Variants in ZBTB8A observed in about 807,000 individuals in gnomAD.
ZBTB8A encodes the protein zinc finger and BTB domain containing 8A.
In ZBTB8A, 19 loss-of-function variants were observed where a neutral mutation model predicts 37.8. That is an observed-to-expected ratio of 0.50 (90% CI 0.35 to 0.74). The LOEUF (loss-of-function observed/expected upper bound fraction) is 0.74. Ranked by LOEUF, ZBTB8A falls within the 30% of genes least tolerant of loss-of-function variation. The probability of loss-of-function intolerance (pLI) is 0.01; values close to 1 mark genes in which losing one functional copy is unlikely to be tolerated. For synonymous variants in ZBTB8A, 181 were observed against 185.2 expected (o/e 0.98, Z 0.19); for missense variants, 394 against 537.8 (o/e 0.73, Z 2.65).
At chr1:32,583,375 T>A (rs1400964651) in intron 2 of ZBTB8A, among the ~76,000 whole-genome samples, 2 of 139,120 alleles carry the variant, frequency 1.4e-5, no homozygotes, top group Non-Finnish European at 3.1e-5. Flanking sequence ...AGTGAGACCC[T>A]GTCTCAAAAA....
At position 32,593,078 on chromosome 1, in the gene ZBTB8A, TA is replaced by T; in HGVS notation, c.151del (p.Met51CysfsTer46). 1 of 1,614,180 alleles carries T rather than the reference TA, an allele frequency of 6.2e-7. No homozygotes were observed. The highest frequency in any genetic ancestry group is 8.5e-7 in the Non-Finnish European group (1 of 1,180,044). On this transcript the variant is annotated frameshift_variant, in exon 3 of 5. Coordinates refer to ENST00000373510, the MANE Select transcript of ZBTB8A (RefSeq NM_001040441.3). LOFTEE classifies it high-confidence loss of function. The part of the protein sequence containing the change: ...NVLFASSGYF[K>X]MLLSQNSKET... ...TATTATTCGCTAGTAGCGGCTACTT[TA>T]AAATGCTTCTTTCTCAGAATTCAAA...
At position 32,600,298 on chromosome 1, in the gene ZBTB8A, G is replaced by T. The variant is rs772285453; in HGVS notation, c.1205G>T (p.Ser402Ile). ...GATAAGGATTCCAGATGGCACTTGA[G>T]TGAAGATGAGAATAGATCCTATGTG... ...DGDKDSRWHLSEDENRSYVEI... is the reference protein window; with the variant it reads ...DGDKDSRWHLIEDENRSYVEI... Residue 402 changes from serine (S) to isoleucine (I), a missense_variant, in exon 5 of 5, where the codon AGT becomes ATT. Ser to Ile is a moderately radical substitution (Grantham distance 142, BLOSUM62 -2). Around this residue, in one of 4 missense-constraint regions of ZBTB8A, gnomAD observed 85 missense variants for 89.0 expected, o/e 0.95. Coordinates refer to ENST00000373510, the MANE Select transcript of ZBTB8A (RefSeq NM_001040441.3). The T allele has an allele frequency of 6.2e-7, 1 of 1,614,190 alleles. No individual in the cohort carries two copies. The highest frequency in any genetic ancestry group is 1.7e-5 in the Admixed American group (1 of 60,012).
At chr1:32,581,932 G>A (rs574131335) in intron 2 of ZBTB8A, among the ~76,000 whole-genome samples, 32 of 152,140 alleles carry the variant, frequency 2.1e-4, no homozygotes, top group Admixed American at 1.4e-3. Flanking sequence ...TAGCATGGGC[G>A]GAGCTGCTCC....
rs1386508131 is a variant in ZBTB8A, at chr1:32,605,720, A to C, written c.*5301A>C. On this transcript the variant is annotated 3_prime_UTR_variant, in exon 5 of 5. Coordinates refer to ENST00000373510, the MANE Select transcript of ZBTB8A (RefSeq NM_001040441.3). ...ACTCCACCTCAAAAAAAAAAAAAAA[A>C]AAAAAAAAAAGAACCTAAGACAACC... is the stretch of plus-strand genomic sequence containing the variant. 1.3e-5 allele frequency: 2 copies of C among 149,358 alleles called. No homozygotes were observed. The highest frequency in any genetic ancestry group is 4.2e-4 in the South Asian group (2 of 4,738). 9.3% of individuals were successfully genotyped at this position (149,358 alleles called of 1,614,324 possible).
rs1270625311 is a variant in ZBTB8A, at chr1:32,539,485, G to T, written c.-171G>T. 1.3e-5 allele frequency: 2 copies of T among 152,324 alleles called. No individual in the cohort carries two copies. Among genetic ancestry groups the T allele is most frequent in the Admixed American group, 1.3e-4 (2 of 15,260 alleles). The allele number at this position is 152,324 out of a possible 1,614,324, so 9.4% of individuals were successfully genotyped here. ...TACTTGTTTTAGGGCGCAAAGGAAC[G>T]GCCTCGAAAGGGGGTCCTTCCCCAG... On this transcript the variant is annotated 5_prime_UTR_variant, in exon 1 of 5. Transcript: ENST00000373510.
In ZBTB8A at chr1:32,591,062, CTT is replaced by C. The variant is rs568744807; in HGVS notation, c.-1-1852_-1-1851del. On this transcript the variant is annotated intron_variant, in intron 2 of 4. Coordinates refer to ENST00000373510, the MANE Select transcript of ZBTB8A (RefSeq NM_001040441.3). ...GTGTGTGCCATGATGCCCAGCTAAA[CTT>C]TTTTTTTTTTTTTTTTGTATTTTTA... is the stretch of plus-strand genomic sequence containing the variant. Among the ~76,000 whole-genome samples, 209 of 123,840 alleles carry C rather than the reference CTT, an allele frequency of 1.7e-3. 1 individual carries two copies. The highest frequency in any genetic ancestry group is 3.3e-3 in the African/African-American group (111 of 33,252). 81.2% of individuals were successfully genotyped at this position (123,840 alleles called of 152,430 possible). A position where few individuals can be genotyped will look rare whatever the true frequency, so the allele number is the denominator to read the frequency against.
At chr1:32,586,116 G>A (rs1007088048) in intron 2 of ZBTB8A, among the ~76,000 whole-genome samples, 1 of 151,972 alleles carries the variant, frequency 6.6e-6, no homozygotes, top group Admixed American at 6.6e-5. Flanking sequence ...TTGGGAGTTT[G>A]AGACCACCCT....
chr1:32,548,137 T>TAAAAAA (rs770998213), intron 1 of ZBTB8A, among the ~76,000 whole-genome samples: 36 of 65,632 alleles, frequency 5.5e-4, no homozygotes, highest in Middle Eastern at 0.01. Flanking sequence ...CGTCTCAAAT[T>TAAAAAA]AAAAAAAAAA....
intron 2 of ZBTB8A, among the ~76,000 whole-genome samples, chr1:32,590,857 C>T (rs1279425678): frequency 6.6e-6 from 1 of 152,042 alleles, no homozygotes; most frequent in Non-Finnish European, 1.5e-5. Flanking sequence ...TTTCTTAGCA[C>T]TTGTCATTGT....
intron 2 of ZBTB8A, among the ~76,000 whole-genome samples, chr1:32,572,368 A>C (rs1644328511): frequency 6.6e-6 from 1 of 151,512 alleles, no homozygotes; most frequent in African/African-American, 2.4e-5. Flanking sequence ...ATGGCTATTC[A>C]GATTTTTAAT....
Position 32,554,460 on chromosome 1 carries a change from TTTTATTTATTTATTTATTTATTTATTTA to T in ZBTB8A, c.-2+948_-2+975del, listed in dbSNP as rs140709969. Among the ~76,000 whole-genome samples the T allele has an allele frequency of 3.0e-5, 4 of 134,950 alleles. No individual in the cohort carries two copies. The East Asian group carries it at 6.5e-4, about 22-fold the overall frequency. The allele number at this position is 134,950 out of a possible 152,430, so 88.5% of individuals were successfully genotyped here. A position where few individuals can be genotyped will look rare whatever the true frequency, so the allele number is the denominator to read the frequency against. The stretch of plus-strand genomic sequence containing the variant: ...TACATATTTGAACTACATTTTAATC[TTTTATTTATTTATTTATTTATTTATTTA>T]TTTATTTATTTATTTATTTATTTAT... On this transcript the variant is annotated intron_variant, in intron 2 of 4. Coordinates refer to ENST00000373510, the MANE Select transcript of ZBTB8A (RefSeq NM_001040441.3).
At position 32,541,446 on chromosome 1, in the gene ZBTB8A, T is replaced by C. The variant is rs551080150; in HGVS notation, c.-84+1874T>C. ...TGACTCTCTTACTTCCTTTGGACTT[T>C]ACCCAAATGCCATCTTCTCAATGAG... is the stretch of plus-strand genomic sequence containing the variant. On this transcript the variant is annotated intron_variant, in intron 1 of 4. Transcript: ENST00000373510. Among the ~76,000 whole-genome samples, 24 of 152,362 alleles carry C rather than the reference T, an allele frequency of 1.6e-4. No homozygotes were observed. The South Asian group carries it at 5.0e-3, about 32-fold the overall frequency.
At chr1:32,553,834 C>T (rs1444490320) in intron 2 of ZBTB8A, among the ~76,000 whole-genome samples, 1 of 145,828 alleles carries the variant, frequency 6.9e-6, no homozygotes, top group African/African-American at 2.6e-5. Flanking sequence ...TGCGGTGAAC[C>T]AAGATGGCAC....
intron 2 of ZBTB8A, among the ~76,000 whole-genome samples, chr1:32,570,283 G>C (rs1169136929): frequency 6.6e-6 from 1 of 152,116 alleles, no homozygotes; most frequent in Non-Finnish European, 1.5e-5. Context: ...CTATGTGCCT[G>C]TCTTACTGCC....
chr1:32,566,376 T>A (rs1644279495), intron 2 of ZBTB8A, among the ~76,000 whole-genome samples: 1 of 151,594 alleles, frequency 6.6e-6, no homozygotes, highest in Non-Finnish European at 1.5e-5. Flanking sequence ...AAAGAAAAAA[T>A]TAGCTGGGCA....
At chr1:32,559,963 T>C (rs901582168) in intron 2 of ZBTB8A, among the ~76,000 whole-genome samples, 1 of 152,110 alleles carries the variant, frequency 6.6e-6, no homozygotes, top group Non-Finnish European at 1.5e-5. Context: ...TTATAAAGAA[T>C]AGAGGTTTAA....
At chr1:32,550,957 CA>C (rs530419945) in intron 1 of ZBTB8A, among the ~76,000 whole-genome samples, 793 of 69,110 alleles carry the variant, frequency 0.011, 7 homozygotes, top group East Asian at 0.093. Context: ...GACTCCGTCT[CA>C]AAAAAAAAAA....
intron 1 of ZBTB8A, among the ~76,000 whole-genome samples, chr1:32,546,172 A>G (rs1251160175): frequency 6.6e-6 from 1 of 152,212 alleles, no homozygotes; most frequent in East Asian, 1.9e-4. Flanking sequence ...GGCCACATAC[A>G]GTGGCTCACA....
chr1:32,545,120 C>T (rs1256849276), intron 1 of ZBTB8A, among the ~76,000 whole-genome samples: 1 of 152,120 alleles, frequency 6.6e-6, no homozygotes, highest in Non-Finnish European at 1.5e-5. Context: ...TTTCCACCAG[C>T]AGTGTGTGAA....
Sources: allele counts gnomAD v4.1 joint callset (sites outside exome capture counted in the v4.1 genomes callset), GRCh38; gene constraint gnomAD v4.1.1; regional missense constraint gnomAD v4.1.1; transcripts MANE v1.5; gene names NCBI Gene and HGNC (gene_info 2026-07-23, HGNC 2026-07-21).